Variants in PHF21B observed in about 807,000 individuals in gnomAD.
PHF21B encodes the protein PHD finger protein 4.
PHF21B carries 22 observed loss-of-function variants against 62.2 expected under a neutral mutation model. The observed-to-expected ratio is 0.35, with a 90% CI of 0.25 to 0.51. The LOEUF is 0.51. Among genes scored for constraint, PHF21B ranks in the 20% least tolerant of loss-of-function variants. The pLI is 0.97. For missense variants in PHF21B, 701 were observed against 707.9 expected, an observed-to-expected ratio of 0.99 and a Z score of 0.11; for synonymous variants, 341 against 314.7, an observed-to-expected ratio of 1.08 and a Z score of -0.88.
In PHF21B at chr22:45,009,895, C is replaced by T. The variant is rs958243359; in HGVS notation, c.-346G>A. ...CGCCCAGCCGCCGCCGCCGCCGCCT[C>T]CTCCCGCGCGAGCCTCCCGCGGGCA... is the stretch of plus-strand genomic sequence containing the variant. On this transcript the variant is annotated 5_prime_UTR_variant, in exon 1 of 13. Transcript: ENST00000313237. This position sits in a 1 kb window ranked among gnomAD's most constrained non-coding sequence, Gnocchi z 5.9. 7 of 146,678 alleles carry T rather than the reference C, an allele frequency of 4.8e-5. No individual in the cohort carries two copies. The highest frequency in any genetic ancestry group is 4.0e-4 in the East Asian group (2 of 4,998). The allele number at this position is 146,678 out of a possible 1,614,324, so 9.1% of individuals were successfully genotyped here.
At chr22:44,955,566 C>T (rs1383250273) in intron 2 of PHF21B, among the ~76,000 whole-genome samples, 2 of 152,184 alleles carry the variant, frequency 1.3e-5, no homozygotes, top group South Asian at 2.1e-4. Flanking sequence ...AACAAAAAGG[C>T]GGGGAAGGGT....
intron 2 of PHF21B, among the ~76,000 whole-genome samples, chr22:44,984,945 C>T (rs958506444): frequency 6.6e-6 from 1 of 152,142 alleles, no homozygotes; most frequent in African/African-American, 2.4e-5. Context: ...GTACTAGCCC[C>T]TGGAAAATGC....
At chr22:44,946,596 A>G (rs1389195840) in intron 2 of PHF21B, among the ~76,000 whole-genome samples, 1 of 151,864 alleles carries the variant, frequency 6.6e-6, no homozygotes, top group Admixed American at 6.6e-5. Context: ...GGACGGGTAG[A>G]TGGATGGACA....
chr22:44,903,930 C>T (rs149611800), intron 5 of PHF21B, among the ~76,000 whole-genome samples: 1 of 152,196 alleles, frequency 6.6e-6, no homozygotes, highest in East Asian at 1.9e-4. Flanking sequence ...ATTTCATTTG[C>T]ATTTATTATG....
intron 2 of PHF21B, among the ~76,000 whole-genome samples, chr22:44,931,106 G>A (rs910239981): frequency 2.0e-5 from 3 of 152,180 alleles, no homozygotes; most frequent in Admixed American, 1.3e-4. Context: ...CCCAACTGCA[G>A]TGCAGTGGCG....
At chr22:44,928,412 A>C (rs1181991080) in intron 2 of PHF21B, among the ~76,000 whole-genome samples, 2 of 152,012 alleles carry the variant, frequency 1.3e-5, no homozygotes, top group Non-Finnish European at 2.9e-5. Flanking sequence ...TCTTCCCATG[A>C]AAGGAACTTT....
chr22:45,000,625 G>T (rs768877668), intron 2 of PHF21B: 1 of 152,154 alleles, frequency 6.6e-6, no homozygotes, highest in African/African-American at 2.4e-5. Flanking sequence ...GTACGGTTCC[G>T]ACAGCAGGTG....
rs771252146 is a variant in PHF21B, at chr22:44,885,936, G to A, written c.1200C>T (p.Ala400=). The A allele has an allele frequency of 7.4e-6, 12 of 1,613,884 alleles. No individual in the cohort carries two copies. In the African/African-American group the frequency reaches 1.6e-4, roughly 22 times the overall value. Residue 400 remains alanine, a splice_region_variant and synonymous_variant, in exon 11 of 13, where the codon GCC becomes GCT. Coordinates refer to ENST00000313237, the MANE Select transcript of PHF21B (RefSeq NM_138415.5). ...VWVCPRCQQK[A]LKKDEGVPWT... is the part of the protein sequence containing the mutation. ...AGGGCACACCCTCGTCTTTCTTTAAGGCCTGGGGAGCAGACGGGGAGATGA... is the reference window on the plus strand; with the variant it reads ...AGGGCACACCCTCGTCTTTCTTTAAAGCCTGGGGAGCAGACGGGGAGATGA...
At position 44,940,085 on chromosome 22, in the gene PHF21B, T is replaced by C. The variant is rs866520514; in HGVS notation, c.121-19595A>G. Among the ~76,000 whole-genome samples, 32 of 152,234 alleles carry C rather than the reference T, an allele frequency of 2.1e-4. No individual in the cohort carries two copies. The Middle Eastern group carries it at 0.024, about 113-fold the overall frequency. On this transcript the variant is annotated intron_variant, in intron 2 of 12. Transcript: ENST00000313237. ...CACCCTGGGCCTCAGTTTCCCCTTC[T>C]GTAAAAAGCAATCTGAAAGCAATCT... is the stretch of plus-strand genomic sequence containing the variant.
At chr22:44,898,377 T>G (rs1467633634) in intron 5 of PHF21B, among the ~76,000 whole-genome samples, 1 of 152,148 alleles carries the variant, frequency 6.6e-6, no homozygotes, top group Non-Finnish European at 1.5e-5. Context: ...ACCACCCACC[T>G]GACTCATAGC....
intron 2 of PHF21B, among the ~76,000 whole-genome samples, chr22:44,981,088 T>C (rs746793563): frequency 4.6e-5 from 7 of 152,000 alleles, no homozygotes; most frequent in Non-Finnish European, 1.0e-4. Context: ...GGCGTGGGGG[T>C]TGCCGTGTCT....
rs752289874 is a variant in PHF21B at position 44,893,511 on chromosome 22, C to T, written c.906G>A (p.Glu302=). ...GGTTGGCTGTGCTTCTTCTCTTCCG[C>T]TCCTGTCGCTTGCTCTGGATTTCTG... is the stretch of plus-strand genomic sequence containing the variant. The part of the protein sequence containing the change: ...HLEEIQSKRQ[E]RKRRSTANPA... The change falls in exon 7 of 13, where the codon GAG becomes GAA. Residue 302 remains glutamate, a synonymous_variant. Transcript: ENST00000313237. 2 of 1,603,880 alleles carry T rather than the reference C, an allele frequency of 1.2e-6. No homozygotes were observed. The highest frequency in any genetic ancestry group is 2.7e-5 in the African/African-American group (2 of 74,828).
chr22:44,887,636 C>A (rs2070882814), intron 10 of PHF21B, among the ~76,000 whole-genome samples: 1 of 150,908 alleles, frequency 6.6e-6, no homozygotes, highest in Non-Finnish European at 1.5e-5. Flanking sequence ...GCGCCTATAA[C>A]CCCAGCTACT....
chr22:44,889,836 G>A, intron 8 of PHF21B, 54 bp from the exon 9 acceptor site: 4 of 1,514,130 alleles, frequency 2.6e-6, no homozygotes, highest in Non-Finnish European at 3.5e-6. Flanking sequence ...GAGGAGCACA[G>A]ATCAGGACTG....
chr22:44,999,103 G>C (rs1056660243), intron 2 of PHF21B, among the ~76,000 whole-genome samples: 2 of 152,208 alleles, frequency 1.3e-5, no homozygotes, highest in African/African-American at 2.4e-5. Flanking sequence ...AGGGATGCCC[G>C]CTGTTGGCAG....
chr22:44,978,592 C>A (rs549371200), intron 2 of PHF21B, among the ~76,000 whole-genome samples: 3 of 152,354 alleles, frequency 2.0e-5, no homozygotes, highest in African/African-American at 7.2e-5. Context: ...CTCCTGACCT[C>A]AAGTGATCCA....
At chr22:44,916,864 C>T (rs1289649051) in intron 3 of PHF21B, among the ~76,000 whole-genome samples, 1 of 152,236 alleles carries the variant, frequency 6.6e-6, no homozygotes, top group African/African-American at 2.4e-5. Flanking sequence ...ACCCACGGCC[C>T]TCCCAGCTGC....
Position 44,884,757 on chromosome 22 carries a change from A to G in PHF21B, c.1377+669T>C, listed in dbSNP as rs111956028. 1.3e-3 allele frequency among the ~76,000 whole-genome samples: 150 copies of G among 113,088 alleles called. 1 individual carries two copies. The highest frequency in any genetic ancestry group is 4.5e-3 in the African/African-American group (140 of 31,340). The allele number at this position is 113,088 out of a possible 152,430, so 74.2% of individuals were successfully genotyped here. ...CACCATCACTGTGATCAGCACCACCATCATTACCACCATCACCATCACCAC... is the reference window on the plus strand; with the variant it reads ...CACCATCACTGTGATCAGCACCACCGTCATTACCACCATCACCATCACCAC... On this transcript the variant is annotated intron_variant, in intron 12 of 12. Transcript: ENST00000313237.
chr22:44,969,764 C>A (rs758745105), intron 2 of PHF21B, among the ~76,000 whole-genome samples: 1 of 152,224 alleles, frequency 6.6e-6, no homozygotes, highest in Non-Finnish European at 1.5e-5. Context: ...ATATGACATG[C>A]ATGGCTGAGT....
Sources: gnomAD v4.1 joint callset for allele counts (sites outside exome capture counted in the v4.1 genomes callset) on GRCh38, gnomAD v4.1.1 for gene constraint, Gnocchi (gnomAD v3.1) non-coding constraint, MANE v1.5 for transcripts, NCBI Gene and HGNC (gene_info 2026-07-23, HGNC 2026-07-21) for gene names.